HIRA: variants seen among roughly 807,000 people sequenced by gnomAD.
HIRA encodes the protein histone cell cycle regulator, also known as protein HIRA.
A neutral mutation model predicts 126.6 loss-of-function variants in HIRA; 13 were observed. That is an observed-to-expected ratio of 0.10 (90% CI 0.07 to 0.16). The LOEUF (loss-of-function observed/expected upper bound fraction) is 0.16. Ranked by LOEUF, HIRA falls within the 10% of genes least tolerant of loss-of-function variation. The pLI, the probability that HIRA is intolerant of heterozygous loss-of-function variation, is 1.00. For missense variants in HIRA, 834 were observed against 1,314.4 expected, an observed-to-expected ratio of 0.63 and a Z score of 5.65; for synonymous variants, 511 against 520.0, an observed-to-expected ratio of 0.98 and a Z score of 0.24.
At chr22:19,400,082 C>T (rs1413123025) in intron 5 of HIRA, among the ~76,000 whole-genome samples, 1 of 152,190 alleles carries the variant, frequency 6.6e-6, no homozygotes, top group Non-Finnish European at 1.5e-5. Flanking sequence ...TAGCAATCTC[C>T]ACAGACACAT....
At chr22:19,363,232 CA>C (rs869045261) in intron 15 of HIRA, among the ~76,000 whole-genome samples, 15 of 106,202 alleles carry the variant, frequency 1.4e-4, no homozygotes, top group Admixed American at 2.0e-4. Context: ...GATTCCGTCT[CA>C]AAAAAAAAAA....
At position 19,392,110 on chromosome 22, in the gene HIRA, A is replaced by G; in HGVS notation, c.927T>C (p.Leu309=). 1 of 1,581,488 alleles carries G rather than the reference A, an allele frequency of 6.3e-7. No individual in the cohort carries two copies. Among genetic ancestry groups the G allele is most frequent in the Non-Finnish European group, 8.7e-7 (1 of 1,154,648 alleles). Residue 309 remains leucine, a synonymous_variant, in exon 9 of 25, where the codon CTT becomes CTC. Coordinates refer to ENST00000263208, the MANE Select transcript of HIRA (RefSeq NM_003325.4). ...CCAVGSKDRS[L]SVWLTCLKRP... is the part of the protein sequence containing the mutation. ...AGGATAGCAGGCTCACCCAGACAGA[A>G]AGCGAGCGGTCCTTGCTGCCAACAG...
In HIRA at chr22:19,359,494, G is replaced by T; in HGVS notation, c.2086-10C>A. On this transcript the variant is annotated splice_polypyrimidine_tract_variant and intron_variant, in intron 17 of 24. Transcript: ENST00000263208. ...AAGGATCGGAGCTGACCTGGATGAA[G>T]TAAACACACGGGTCTGCTCAGACAA... is the stretch of plus-strand genomic sequence containing the variant. The T allele has an allele frequency of 6.3e-7, 1 of 1,595,782 alleles. No individual in the cohort carries two copies. Among genetic ancestry groups the T allele is most frequent in the Non-Finnish European group, 8.5e-7 (1 of 1,171,394 alleles).
chr22:19,353,578 C>T (rs1309583122), intron 22 of HIRA, 59 bp from the exon 23 acceptor site: 5 of 1,502,386 alleles, frequency 3.3e-6, no homozygotes, highest in African/African-American at 2.7e-5. Flanking sequence ...GAGTCAGGAA[C>T]TGCCCCCGTG....
chr22:19,348,972 C>T (rs950450107), intron 24 of HIRA, among the ~76,000 whole-genome samples: 5 of 149,096 alleles, frequency 3.4e-5, no homozygotes, highest in South Asian at 2.1e-4. Flanking sequence ...TTAGTAGAGT[C>T]GGGGTTTCAC....
chr22:19,345,979 T>C (rs781965553), intron 24 of HIRA, among the ~76,000 whole-genome samples: 5 of 152,200 alleles, frequency 3.3e-5, no homozygotes, highest in Non-Finnish European at 7.3e-5. Context: ...GCTCCTATAA[T>C]ATACATAGAG....
At chr22:19,413,140 A>G (rs1367597265) in intron 1 of HIRA, among the ~76,000 whole-genome samples, 2 of 152,200 alleles carry the variant, frequency 1.3e-5, no homozygotes, top group African/African-American at 4.8e-5. Flanking sequence ...AAGAGGAGAC[A>G]GAGATGGCTC....
At chr22:19,365,165 A>G (rs145744797) in intron 15 of HIRA, among the ~76,000 whole-genome samples, 1 of 152,370 alleles carries the variant, frequency 6.6e-6, no homozygotes, top group African/African-American at 2.4e-5. Flanking sequence ...GTTTAAGGAA[A>G]GAAGCTGCCT....
intron 24 of HIRA, among the ~76,000 whole-genome samples, chr22:19,334,819 G>A (rs1269832049): frequency 2.6e-5 from 4 of 152,018 alleles, no homozygotes; most frequent in East Asian, 1.9e-4. Flanking sequence ...GATAATCTAT[G>A]CCTTTTAGAC....
intron 14 of HIRA, among the ~76,000 whole-genome samples, chr22:19,377,268 C>T (rs1316063292): frequency 6.6e-6 from 1 of 152,232 alleles, no homozygotes; most frequent in East Asian, 1.9e-4. Context: ...TGAGGACCCA[C>T]CCATTAAGCC....
chr22:19,334,987 T>C (rs1210695), intron 24 of HIRA, among the ~76,000 whole-genome samples: 131,705 of 152,006 alleles, frequency 0.87, 58,376 homozygotes, highest in Non-Finnish European at 0.96. Flanking sequence ...GGGATTTGTA[T>C]GTGTATGTGC....
At chr22:19,405,043 GT>G (rs2089297385) in intron 5 of HIRA, among the ~76,000 whole-genome samples, 1 of 152,154 alleles carries the variant, frequency 6.6e-6, no homozygotes, top group South Asian at 2.1e-4. Flanking sequence ...GACTCCCTCA[GT>G]AACAGGGAGC....
chr22:19,363,002 G>A (rs558730712), intron 15 of HIRA, among the ~76,000 whole-genome samples: 2 of 151,816 alleles, frequency 1.3e-5, no homozygotes, highest in African/African-American at 2.4e-5. Context: ...GGGAGGCTGA[G>A]GTGGGTGAAT....
Position 19,394,361 on chromosome 22 carries a change from C to T in HIRA, c.803G>A (p.Arg268Gln), listed in dbSNP as rs2089206428. ...ACTCACCACGACAGTCACAGCTTTC[C>T]GGTGCCCAACAAAGTCCATGTTGGT... is the stretch of plus-strand genomic sequence containing the variant. ...WKTNMDFVGH[R>Q]KAVTVVKFNP... Residue 268 changes from arginine to glutamine, a missense_variant, in exon 8 of 25, where the codon CGG (arginine) becomes CAG (glutamine). Arg to Gln is a conservative substitution (Grantham distance 43). Transcript: ENST00000263208. 1 of 1,614,078 alleles carries T rather than the reference C, an allele frequency of 6.2e-7. No homozygotes were observed. Among genetic ancestry groups the T allele is most frequent in the South Asian group, 1.1e-5 (1 of 91,094 alleles).
chr22:19,385,772 G>GAGT (rs2089121388), intron 11 of HIRA, 36 bp from the exon 12 acceptor site: 2 of 1,585,676 alleles, frequency 1.3e-6, no homozygotes, highest in Non-Finnish European at 1.7e-6. Flanking sequence ...ATGCCAGCAT[G>GAGT]AGTGCCAGTG....
chr22:19,354,346 T>C (rs1216911637), intron 21 of HIRA, among the ~76,000 whole-genome samples: 1 of 152,212 alleles, frequency 6.6e-6, no homozygotes. Context: ...ATGAGTGAAG[T>C]GAAGGCTGTG....
chr22:19,366,296 A>C (rs1383173702), intron 15 of HIRA, among the ~76,000 whole-genome samples: 1 of 151,260 alleles, frequency 6.6e-6, no homozygotes, highest in Non-Finnish European at 1.5e-5. Context: ...CGGGAGGTGG[A>C]GCTTGCAGTG....
chr22:19,378,107 G>A, intron 13 of HIRA, 41 bp from the exon 14 acceptor site: 2 of 1,456,212 alleles, frequency 1.4e-6, no homozygotes, highest in Non-Finnish European at 1.8e-6. Flanking sequence ...TGAAAGTCAG[G>A]TGCCACATCC....
At chr22:19,345,688 T>C (rs1407582897) in intron 24 of HIRA, among the ~76,000 whole-genome samples, 1 of 152,254 alleles carries the variant, frequency 6.6e-6, no homozygotes, top group Non-Finnish European at 1.5e-5. Context: ...GAGAATTTAA[T>C]GTTGCTGCTG....
Sources: gnomAD v4.1 joint callset for allele counts (sites outside exome capture counted in the v4.1 genomes callset) on GRCh38, gnomAD v4.1.1 for gene constraint, MANE v1.5 for transcripts, NCBI Gene and HGNC (gene_info 2026-07-23, HGNC 2026-07-21) for gene names.